RAD51C: variants seen among roughly 807,000 people sequenced by gnomAD.
RAD51C encodes RAD51 paralog C.
A neutral mutation model predicts 45.0 loss-of-function variants in RAD51C; 42 were observed. That is an observed-to-expected ratio of 0.93 (90% confidence interval 0.73 to 1.21). The LOEUF (loss-of-function observed/expected upper bound fraction) is 1.21, where lower values mean the gene tolerates loss of function less well. Ranked by LOEUF, RAD51C falls within the 50% of genes most tolerant of loss-of-function variation. The pLI is 0.00. For synonymous variants in RAD51C, 172 were observed against 159.8 expected, an observed-to-expected ratio of 1.08 and a Z score of -0.58; for missense variants, 474 against 452.2, an observed-to-expected ratio of 1.05 and a Z score of -0.44.
intron 7 of RAD51C, among the ~76,000 whole-genome samples, chr17:58,724,358 A>G (rs1461836634): frequency 1.3e-5 from 2 of 152,184 alleles, no homozygotes; most frequent in African/African-American, 4.8e-5. Flanking sequence ...TGGCCAAGGA[A>G]TGCCATTTTC....
intron 2 of RAD51C, among the ~76,000 whole-genome samples, chr17:58,696,464 T>G (rs189333451): frequency 1.1e-4 from 16 of 152,228 alleles, no homozygotes; most frequent in Middle Eastern, 3.4e-3. Context: ...AAAATATCCT[T>G]AATCTTGGTT....
chr17:58,703,376 G>A (rs1246790568), intron 4 of RAD51C, 47 bp downstream of exon 4: 2 of 1,579,016 alleles, frequency 1.3e-6, no homozygotes, highest in Non-Finnish European at 1.7e-6. Flanking sequence ...ATTTTTTGAG[G>A]TGTTTGATAA....
chr17:58,702,318 A>G (rs1407070079), intron 3 of RAD51C, among the ~76,000 whole-genome samples: 4 of 152,238 alleles, frequency 2.6e-5, no homozygotes, highest in South Asian at 2.1e-4. Context: ...AAAGGCAGGC[A>G]TTAAAACACT....
intron 5 of RAD51C, among the ~76,000 whole-genome samples, chr17:58,714,598 A>G (rs904889627): frequency 7.2e-5 from 11 of 152,168 alleles, no homozygotes; most frequent in African/African-American, 1.2e-4. Flanking sequence ...AGCTGGAACT[A>G]CAGGCGCGTG....
chr17:58,695,096 GT>G lies in RAD51C; in HGVS notation c.313del (p.Ser105GlnfsTer3). The G allele has an allele frequency of 6.2e-7, 1 of 1,614,068 alleles. No individual in the cohort carries two copies. Among genetic ancestry groups the G allele is most frequent in the Non-Finnish European group, 8.5e-7 (1 of 1,180,008 alleles). On this transcript the variant is annotated frameshift_variant, in exon 2 of 9. Coordinates refer to ENST00000337432, the MANE Select transcript of RAD51C (RefSeq NM_058216.3). LOFTEE classifies it high-confidence loss of function. Reference protein sequence around the residue: ...EHTQGFIITFCSALDDILGGG... With the variant: ...EHTQGFIITFXSALDDILGGG... ...ACCCAGGGCTTCATAATCACCTTCT[GT>G]TCAGCACTAGATGATATTCTTGGGG... is the stretch of plus-strand genomic sequence containing the variant.
chr17:58,697,472 A>AT (rs2048057572), intron 3 of RAD51C, among the ~76,000 whole-genome samples: 1 of 142,298 alleles, frequency 7.0e-6, no homozygotes, highest in African/African-American at 2.6e-5. Flanking sequence ...GGAGTTGGAG[A>AT]TTGCAGTGAG....
chr17:58,699,000 G>A (rs981341475), intron 3 of RAD51C, among the ~76,000 whole-genome samples: 1 of 151,558 alleles, frequency 6.6e-6, no homozygotes, highest in Admixed American at 6.6e-5. Flanking sequence ...TGGGTTGACT[G>A]TTTTCTTATT....
At chr17:58,704,953 A>G (rs904169815) in intron 4 of RAD51C, among the ~76,000 whole-genome samples, 1 of 151,380 alleles carries the variant, frequency 6.6e-6, no homozygotes, top group Non-Finnish European at 1.5e-5. Flanking sequence ...AACATGGCAA[A>G]ACCCCGTCTC....
In RAD51C at chr17:58,703,307, A is replaced by T. The variant is rs2048274960; in HGVS notation, c.683A>T (p.Asp228Val). 2.5e-6 allele frequency: 4 copies of T among 1,612,134 alleles called. No individual in the cohort carries two copies. The highest frequency in any genetic ancestry group is 3.4e-6 in the Non-Finnish European group (4 of 1,178,462). ...CTGGCACAAGTTTATCTTCTTCCAG[A>T]TTTCCTTTCAGAACACTCAAAGGTA... is the stretch of plus-strand genomic sequence containing the variant. ...ELLAQVYLLP[D>V]FLSEHSKVRL... The change falls in exon 4 of 9, where the codon GAT becomes GTT. Residue 228 changes from aspartate (D) to valine (V), a missense_variant. Asp to Val is a radical substitution (Grantham distance 152). Transcript: ENST00000337432.
At chr17:58,713,793 G>T (rs191618488) in intron 5 of RAD51C, among the ~76,000 whole-genome samples, 97 of 152,180 alleles carry the variant, frequency 6.4e-4, no homozygotes, top group African/African-American at 2.2e-3. Flanking sequence ...GGGAGACACA[G>T]TGAGACTCTA....
intron 5 of RAD51C, among the ~76,000 whole-genome samples, chr17:58,715,402 C>T (rs1480606722): frequency 1.3e-5 from 2 of 148,796 alleles, no homozygotes; most frequent in African/African-American, 5.0e-5. Context: ...TGCAGCAAGC[C>T]AGGACCGCGC....
chr17:58,726,946 G>A (rs934597880), intron 7 of RAD51C, among the ~76,000 whole-genome samples: 15 of 152,006 alleles, frequency 9.9e-5, no homozygotes, highest in South Asian at 2.1e-4. Flanking sequence ...TCAGCCTCCC[G>A]AGTAGCTGGT....
intron 7 of RAD51C, chr17:58,732,196 C>T (rs2049454615): frequency 5.9e-5 from 17 of 286,098 alleles, no homozygotes; most frequent in South Asian, 9.8e-5. Flanking sequence ...TATTTTCTTC[C>T]ACGTTTAGTT....
At chr17:58,718,025 T>C (rs867758603) in intron 5 of RAD51C, among the ~76,000 whole-genome samples, 2 of 152,108 alleles carry the variant, frequency 1.3e-5, no homozygotes, top group Non-Finnish European at 2.9e-5. Context: ...AGTTGGAGTC[T>C]TGCTCCTGTT....
intron 4 of RAD51C, among the ~76,000 whole-genome samples, chr17:58,703,963 G>C (rs1555597448): frequency 1.4e-5 from 1 of 73,418 alleles, no homozygotes; most frequent in Admixed American, 1.4e-4. Flanking sequence ...TTTTTTTTGG[G>C]TAGAAATGGA....
chr17:58,692,933 C>T (rs938025916), intron 1 of RAD51C, 145 bp downstream of exon 1: 2 of 1,185,456 alleles, frequency 1.7e-6, no homozygotes, highest in African/African-American at 1.5e-5. Flanking sequence ...AAGAGCTCCT[C>T]GACTCCACTT....
At chr17:58,722,436 G>A (rs1235888687) in intron 6 of RAD51C, among the ~76,000 whole-genome samples, 1 of 152,196 alleles carries the variant, frequency 6.6e-6, no homozygotes, top group Non-Finnish European at 1.5e-5. Context: ...TGTGGCTAAT[G>A]CAGCTGTGGA....
At chr17:58,711,609 T>A (rs1312766438) in intron 5 of RAD51C, among the ~76,000 whole-genome samples, 1 of 151,820 alleles carries the variant, frequency 6.6e-6, no homozygotes, top group Non-Finnish European at 1.5e-5. Flanking sequence ...TAGAGGCACA[T>A]GCCACCATGC....
rs185219570 is a variant in RAD51C, at chr17:58,703,382, G to C, written c.705+53G>C. 27 of 1,563,584 alleles carry C rather than the reference G, an allele frequency of 1.7e-5. No individual in the cohort carries two copies. The African/African-American group carries it at 3.7e-4, about 21-fold the overall frequency. On this transcript the variant is annotated intron_variant, in intron 4 of 8. Coordinates refer to ENST00000337432, the MANE Select transcript of RAD51C (RefSeq NM_058216.3). ...TAACCAAGTATTTTTTGAGGTGTTT[G>C]ATAAGCATGAAAAAATAACCAGTAC...
Sources: gnomAD v4.1 joint callset for allele counts (sites outside exome capture counted in the v4.1 genomes callset) on GRCh38, gnomAD v4.1.1 for gene constraint, MANE v1.5 for transcripts, NCBI Gene and HGNC (gene_info 2026-07-23, HGNC 2026-07-21) for gene names.